Variants in NSD3 observed in about 807,000 individuals in gnomAD.
The protein encoded by NSD3 is nuclear receptor binding SET domain protein 3.
NSD3 carries 24 observed loss-of-function variants against 160.8 expected under a neutral mutation model. That is an observed-to-expected ratio of 0.15 (90% CI 0.11 to 0.21). NSD3 has a LOEUF of 0.21. NSD3 is among the 10% of genes least tolerant of loss of function. The pLI is 1.00. For missense variants in NSD3, 1,157 were observed against 1,735.9 expected, an observed-to-expected ratio of 0.67 and a Z score of 5.93; for synonymous variants, 520 against 600.0, an observed-to-expected ratio of 0.87 and a Z score of 1.95.
intron 15 of NSD3, 100 bp from the exon 16 acceptor site, chr8:38,296,052 A>G: frequency 8.0e-7 from 1 of 1,247,900 alleles, no homozygotes; most frequent in Non-Finnish European, 1.1e-6. Flanking sequence ...ATTTGTTTCA[A>G]ATTGGGGGAA....
At chr8:38,315,371 T>G (rs749434699) in intron 11 of NSD3, 45 bp downstream of exon 11, 3 of 1,503,510 alleles carry the variant, frequency 2.0e-6, no homozygotes, top group Non-Finnish European at 2.6e-6. Flanking sequence ...ACTGGCAGAA[T>G]ATAATAGCAA....
At chr8:38,279,375 G>T (rs1808683092) in intron 21 of NSD3, among the ~76,000 whole-genome samples, 165 bp downstream of exon 21, 1 of 152,152 alleles carries the variant, frequency 6.6e-6, no homozygotes, top group Admixed American at 6.5e-5. Context: ...CTAACACTCA[G>T]TTCTAAATAT....
intron 21 of NSD3, 131 bp from the exon 22 acceptor site, chr8:38,278,543 C>A: frequency 2.9e-6 from 2 of 683,790 alleles, no homozygotes; most frequent in South Asian, 4.2e-5. Flanking sequence ...CAGTGTTCTA[C>A]CTCATTGATA....
intron 20 of NSD3, among the ~76,000 whole-genome samples, chr8:38,280,931 T>A (rs962331226): frequency 1.3e-5 from 2 of 152,004 alleles, no homozygotes; most frequent in African/African-American, 4.8e-5. Context: ...TTTATTTTTA[T>A]TTTTTGTAGA....
chr8:38,275,690 A>C lies in NSD3; in HGVS notation c.4265T>G (p.Ile1422Arg). 6.2e-7 allele frequency: 1 copy of C among 1,614,180 alleles called. No homozygotes were observed. The highest frequency in any genetic ancestry group is 8.5e-7 in the Non-Finnish European group (1 of 1,180,038). Residue 1422 changes from isoleucine to arginine, a missense_variant, in exon 24 of 24, where the codon ATA becomes AGA. Physicochemically the swap from Ile to Arg is moderately conservative, Grantham distance 97. Coordinates refer to ENST00000317025, the MANE Select transcript of NSD3 (RefSeq NM_023034.2). ...ATCTTGTGATTCCCATTTACATTTT[A>C]TCTTGCTCCAGTATTCTGGTGACAC... ...APVSPEYWSK[I>R]KCKWESQDHG...
chr8:38,358,877 C>T (rs991120008), intron 1 of NSD3, among the ~76,000 whole-genome samples: 6 of 151,900 alleles, frequency 3.9e-5, no homozygotes, highest in African/African-American at 1.5e-4. Context: ...TACAATTTTT[C>T]CCCAAATTGA....
chr8:38,291,419 A>G (rs1249738380), intron 16 of NSD3, among the ~76,000 whole-genome samples: 1 of 152,218 alleles, frequency 6.6e-6, no homozygotes, highest in Non-Finnish European at 1.5e-5. Context: ...GGGCTTTTGT[A>G]GTAAATATAC....
chr8:38,293,175 G>A (rs915426293), intron 16 of NSD3, among the ~76,000 whole-genome samples: 3 of 151,820 alleles, frequency 2.0e-5, no homozygotes, highest in Non-Finnish European at 4.4e-5. Flanking sequence ...GAAGTGGGGG[G>A]AGGTTTGATT....
At chr8:38,366,993 T>C (rs948392247) in intron 1 of NSD3, among the ~76,000 whole-genome samples, 2 of 152,184 alleles carry the variant, frequency 1.3e-5, no homozygotes, top group African/African-American at 4.8e-5. Flanking sequence ...CTTTAAAAGC[T>C]TATATTAAAT....
chr8:38,293,378 C>T (rs543412222), intron 16 of NSD3, among the ~76,000 whole-genome samples: 17 of 151,368 alleles, frequency 1.1e-4, no homozygotes, highest in African/African-American at 3.6e-4. Context: ...GGTGAAACCC[C>T]GTCTCTACTA....
At chr8:38,315,675 T>G (rs1585879956) in intron 10 of NSD3, 131 bp from the exon 11 acceptor site, 1 of 1,354,506 alleles carries the variant, frequency 7.4e-7, no homozygotes, top group East Asian at 2.5e-5. Context: ...CCTTCCTTTC[T>G]TTCCAAAATC....
chr8:38,344,443 T>C (rs1810463567), intron 2 of NSD3, among the ~76,000 whole-genome samples: 1 of 152,068 alleles, frequency 6.6e-6, no homozygotes, highest in Non-Finnish European at 1.5e-5. Flanking sequence ...GGCTAATTTT[T>C]AAATATTTTT....
chr8:38,375,658 ATAAT>A (rs1265699800), intron 1 of NSD3, among the ~76,000 whole-genome samples: 1 of 151,918 alleles, frequency 6.6e-6, no homozygotes, highest in African/African-American at 2.4e-5. Flanking sequence ...CAATATAAGT[ATAAT>A]TATTTATAAC....
intron 1 of NSD3, among the ~76,000 whole-genome samples, chr8:38,373,934 C>CAAAA (rs61532119): frequency 2.1e-3 from 51 of 24,808 alleles, no homozygotes; most frequent in Middle Eastern, 0.031. Flanking sequence ...TCTGTCTCTA[C>CAAAA]AAAAAAAAAA....
intron 12 of NSD3, among the ~76,000 whole-genome samples, chr8:38,309,959 AAT>A (rs931948232): frequency 6.6e-6 from 1 of 152,226 alleles, no homozygotes; most frequent in Non-Finnish European, 1.5e-5. Context: ...TCTCACTTCT[AAT>A]ATGTTAGAAG....
intron 22 of NSD3, 52 bp from the exon 23 acceptor site, chr8:38,276,552 G>A (rs766112230): frequency 6.3e-7 from 1 of 1,591,754 alleles, no homozygotes; most frequent in South Asian, 1.1e-5. Flanking sequence ...AGTGCATGAA[G>A]CTGGACACAG....
rs1484160572 is a variant in NSD3, at chr8:38,274,744, T to C, written c.*897A>G. The C allele has an allele frequency of 1.3e-5, 2 of 157,324 alleles. No individual in the cohort carries two copies. Among genetic ancestry groups the C allele is most frequent in the African/African-American group, 4.8e-5 (2 of 41,642 alleles). The allele number at this position is 157,324 out of a possible 1,614,324, so 9.7% of individuals were successfully genotyped here. A position where few individuals can be genotyped will look rare whatever the true frequency, so the allele number is the denominator to read the frequency against. ...TGGACAGAAAATGGTGCTTATATGA[T>C]CCAAATTTTGGTTTATGCCTTCATC... On this transcript the variant is annotated 3_prime_UTR_variant, in exon 24 of 24. Coordinates refer to ENST00000317025, the MANE Select transcript of NSD3 (RefSeq NM_023034.2).
intron 14 of NSD3, among the ~76,000 whole-genome samples, chr8:38,302,525 C>T (rs11985168): frequency 0.21 from 32,627 of 151,954 alleles, 3,705 homozygotes; most frequent in East Asian, 0.31. Context: ...CCTGGATAAC[C>T]GTCAAATTGT....
intron 6 of NSD3, among the ~76,000 whole-genome samples, chr8:38,328,367 C>A (rs919675344): frequency 1.3e-5 from 2 of 151,920 alleles, no homozygotes; most frequent in Non-Finnish European, 2.9e-5. Flanking sequence ...AATTTGTACT[C>A]AAAAAAGATG....
Sources: gnomAD v4.1 joint callset for allele counts (sites outside exome capture counted in the v4.1 genomes callset) on GRCh38, gnomAD v4.1.1 for gene constraint, MANE v1.5 for transcripts, NCBI Gene and HGNC (gene_info 2026-07-23, HGNC 2026-07-21) for gene names.